Variants in DMXL1 observed in about 807,000 individuals in gnomAD.
The protein encoded by DMXL1 is Dmx like 1.
In DMXL1, 99 loss-of-function variants were observed where a neutral mutation model predicts 319.2. That is an observed-to-expected ratio of 0.31 (90% confidence interval 0.26 to 0.37). DMXL1 has a LOEUF of 0.37. Ranked by LOEUF, DMXL1 falls within the 10% of genes least tolerant of loss-of-function variation. The probability of loss-of-function intolerance (pLI) is 1.00; values close to 1 mark genes in which losing one functional copy is unlikely to be tolerated. For synonymous variants in DMXL1, 1,385 were observed against 1,235.2 expected (o/e 1.12, Z -2.54); for missense variants, 3,745 against 3,595.6 (o/e 1.04, Z -1.06).
intron 34 of DMXL1, among the ~76,000 whole-genome samples, chr5:119,214,813 C>T (rs1301845764): frequency 2.0e-5 from 3 of 152,200 alleles, no homozygotes; most frequent in South Asian, 2.1e-4. Flanking sequence ...TTCATACCTG[C>T]AGGAGCTTTC....
At chr5:119,126,318 T>G (rs1439465725) in intron 9 of DMXL1, among the ~76,000 whole-genome samples, 1 of 152,120 alleles carries the variant, frequency 6.6e-6, no homozygotes, top group African/African-American at 2.4e-5. Flanking sequence ...ATAAAAGCAT[T>G]ATTGTATGTG....
At position 119,177,992 on chromosome 5, in the gene DMXL1, C is replaced by T. The variant is rs766445530; in HGVS notation, c.6887-4C>T. 1.3e-6 allele frequency: 2 copies of T among 1,587,140 alleles called. No individual in the cohort carries two copies. The highest frequency in any genetic ancestry group is 1.7e-6 in the Non-Finnish European group (2 of 1,164,144). The stretch of plus-strand genomic sequence containing the variant: ...GTGACAGCTATGTTTGTTTGTCGTT[C>T]TAGGAATAACTTGTCTAATTCGACT... On this transcript the variant is annotated splice_polypyrimidine_tract_variant and splice_region_variant and intron_variant, in intron 27 of 43. Coordinates refer to ENST00000539542, the MANE Select transcript of DMXL1 (RefSeq NM_001290321.3).
rs1749529208 is a variant in DMXL1, at chr5:119,071,442, G to T, written c.-128G>T. On this transcript the variant is annotated 5_prime_UTR_variant, in exon 1 of 44. Transcript: ENST00000539542. ...CAGCTGAGCGGCTCCGGCTCCAGGCGCCTGTCGCTGCTTCTGCCGTCGCCA... is the reference window on the plus strand; with the variant it reads ...CAGCTGAGCGGCTCCGGCTCCAGGCTCCTGTCGCTGCTTCTGCCGTCGCCA... 1 of 906,322 alleles carries T rather than the reference G, an allele frequency of 1.1e-6. No individual in the cohort carries two copies. Among genetic ancestry groups the T allele is most frequent in the Non-Finnish European group, 1.7e-6 (1 of 578,718 alleles). 56.1% of individuals were successfully genotyped at this position (906,322 alleles called of 1,614,324 possible).
At position 119,133,870 on chromosome 5, in the gene DMXL1, T is replaced by TA; in HGVS notation, c.1947dup (p.Pro650ThrfsTer10). 2.5e-6 allele frequency: 4 copies of TA among 1,614,182 alleles called. No individual in the cohort carries two copies. Among genetic ancestry groups the TA allele is most frequent in the Non-Finnish European group, 3.4e-6 (4 of 1,180,028 alleles). ...AATGATTTAGCTTGCCACTCAGTAT[T>TA]ACCATTATTGCTGACAACATCACAC... On this transcript the variant is annotated frameshift_variant, in exon 12 of 44. Transcript: ENST00000539542. LOFTEE classifies it high-confidence loss of function.
chr5:119,220,492 A>G lies in DMXL1; in HGVS notation c.8034A>G (p.Ala2678=), dbSNP rs1489084201. 2 of 1,613,880 alleles carry G rather than the reference A, an allele frequency of 1.2e-6. No homozygotes were observed. Among genetic ancestry groups the G allele is most frequent in the Admixed American group, 3.3e-5 (2 of 60,002 alleles). ...TTCAGGCAAATAGAAACTGCATAGCAATCGCTTCCAGTCATGATGTTCAAG... is the reference window on the plus strand; with the variant it reads ...TTCAGGCAAATAGAAACTGCATAGCGATCGCTTCCAGTCATGATGTTCAAG... The part of the protein sequence containing the change: ...AVNKANRNCI[A]IASSHDVQEL... Residue 2678 remains alanine, a synonymous_variant, in exon 36 of 44, where the codon GCA becomes GCG. Transcript: ENST00000539542.
At chr5:119,154,931 T>G (rs2150167303) in intron 19 of DMXL1, among the ~76,000 whole-genome samples, 1 of 152,340 alleles carries the variant, frequency 6.6e-6, no homozygotes, top group East Asian at 1.9e-4. Context: ...CCTAGAGTGT[T>G]TAAGAATTAT....
At chr5:119,194,866 G>A (rs1322828758) in intron 30 of DMXL1, among the ~76,000 whole-genome samples, 1 of 151,848 alleles carries the variant, frequency 6.6e-6, no homozygotes, top group East Asian at 1.9e-4. Flanking sequence ...ACCAGCCCAG[G>A]CAACATGGCA....
Position 119,105,162 on chromosome 5 carries a change from G to A in DMXL1, c.286-18G>A. On this transcript the variant is annotated intron_variant, in intron 3 of 43. Coordinates refer to ENST00000539542, the MANE Select transcript of DMXL1 (RefSeq NM_001290321.3). ...ATATGCCAATCATAATGGGCTAAAT[G>A]ACTTTTCTTAATTTTAGGAATTATA... 6.5e-7 allele frequency: 1 copy of A among 1,550,124 alleles called. No individual in the cohort carries two copies. The highest frequency in any genetic ancestry group is 8.9e-7 in the Non-Finnish European group (1 of 1,122,714).
chr5:119,165,345 A>G (rs1310662529), intron 21 of DMXL1, 65 bp downstream of exon 21: 1 of 829,454 alleles, frequency 1.2e-6, no homozygotes, highest in Non-Finnish European at 2.0e-6. Flanking sequence ...GAAGTAAATG[A>G]ATGAAGTAAG....
intron 28 of DMXL1, among the ~76,000 whole-genome samples, chr5:119,185,860 T>G (rs887911990): frequency 4.6e-5 from 7 of 152,164 alleles, no homozygotes; most frequent in African/African-American, 1.7e-4. Flanking sequence ...GTACCTTCAA[T>G]TAATTGCTTC....
At chr5:119,093,577 C>T (rs143326573) in intron 1 of DMXL1, among the ~76,000 whole-genome samples, 2 of 152,252 alleles carry the variant, frequency 1.3e-5, no homozygotes, top group African/African-American at 2.4e-5. Flanking sequence ...ATAGTGACAA[C>T]CCTACAGTGT....
chr5:119,133,233 G>C lies in DMXL1; in HGVS notation c.1417G>C (p.Ala473Pro). Reference protein sequence around the residue: ...PNSSFTSLSSAAIDHQIEVLL... With the variant: ...PNSSFTSLSSPAIDHQIEVLL... ...CTCAAGTTTTACATCATTATCGTCA[G>C]CTGCCATTGATCATCAGATTGAAGT... is the stretch of plus-strand genomic sequence containing the variant. Residue 473 changes from alanine to proline, a missense_variant, in exon 11 of 44, where the codon GCT becomes CCT. Around this residue, in one of 4 missense-constraint regions of DMXL1, gnomAD observed 2,096 missense variants for 1,985.4 expected, o/e 1.06. Coordinates refer to ENST00000539542, the MANE Select transcript of DMXL1 (RefSeq NM_001290321.3). 6.2e-7 allele frequency: 1 copy of C among 1,614,148 alleles called. No individual in the cohort carries two copies. Among genetic ancestry groups the C allele is most frequent in the Non-Finnish European group, 8.5e-7 (1 of 1,180,020 alleles).
chr5:119,204,182 G>C (rs1781353521), intron 33 of DMXL1, among the ~76,000 whole-genome samples: 1 of 152,004 alleles, frequency 6.6e-6, no homozygotes, highest in Non-Finnish European at 1.5e-5. Flanking sequence ...CTGTCACACA[G>C]GTTGGAGTAC....
At chr5:119,095,563 T>C (rs936466647) in intron 1 of DMXL1, among the ~76,000 whole-genome samples, 1 of 152,190 alleles carries the variant, frequency 6.6e-6, no homozygotes, top group Admixed American at 6.5e-5. Context: ...TGTGAAGACA[T>C]GAGTTTTTTT....
intron 6 of DMXL1, among the ~76,000 whole-genome samples, chr5:119,115,276 C>G (rs534801175): frequency 6.6e-6 from 1 of 152,264 alleles, no homozygotes; most frequent in South Asian, 2.1e-4. Flanking sequence ...ATTTATATTA[C>G]CTTTTAGCTG....
Position 119,147,246 on chromosome 5 carries a change from T to G in DMXL1, c.2690-3T>G. ...TTTTTGGTTCTTTTCTTATGTTTTG[T>G]AGATGAAAAAGTAGATACAAAATTA... On this transcript the variant is annotated splice_region_variant and splice_polypyrimidine_tract_variant and intron_variant, in intron 16 of 43. Coordinates refer to ENST00000539542, the MANE Select transcript of DMXL1 (RefSeq NM_001290321.3). 6.2e-7 allele frequency: 1 copy of G among 1,610,174 alleles called. No individual in the cohort carries two copies. The highest frequency in any genetic ancestry group is 1.1e-5 in the South Asian group (1 of 90,708).
intron 28 of DMXL1, among the ~76,000 whole-genome samples, chr5:119,183,922 G>A (rs995819630): frequency 3.3e-5 from 5 of 152,178 alleles, no homozygotes; most frequent in Non-Finnish European, 7.3e-5. Flanking sequence ...TCCAAGAAAT[G>A]TGCATGTATA....
chr5:119,163,822 G>A (rs186089147), intron 19 of DMXL1, among the ~76,000 whole-genome samples: 300 of 152,184 alleles, frequency 2.0e-3, no homozygotes, highest in Non-Finnish European at 2.6e-3. Flanking sequence ...TGATCCGCCC[G>A]CCTCGGCCTC....
At chr5:119,124,936 C>T (rs908701248) in intron 9 of DMXL1, among the ~76,000 whole-genome samples, 2 of 152,100 alleles carry the variant, frequency 1.3e-5, no homozygotes, top group African/African-American at 2.4e-5. Flanking sequence ...AATTAAGATA[C>T]TTCTATTAAC....
Sources: allele counts gnomAD v4.1 joint callset (sites outside exome capture counted in the v4.1 genomes callset), GRCh38; gene constraint gnomAD v4.1.1; regional missense constraint gnomAD v4.1.1; transcripts MANE v1.5; gene names NCBI Gene and HGNC (gene_info 2026-07-23, HGNC 2026-07-21).